The following ALDH16A1 variants were observed in gnomAD, a reference collection of about 807,000 sequenced individuals.
ALDH16A1 encodes the protein aldehyde dehydrogenase family 16 member A1.
In ALDH16A1, 88 loss-of-function variants were observed where a neutral mutation model predicts 96.1. The observed-to-expected ratio is 0.92, with a 90% confidence interval of 0.77 to 1.09. The LOEUF (loss-of-function observed/expected upper bound fraction) is 1.09, where lower values mean the gene tolerates loss of function less well. Among genes scored for constraint, ALDH16A1 ranks in the 50% least tolerant of loss-of-function variants. The pLI is 0.00. For missense variants in ALDH16A1, 1,250 were observed against 1,112.6 expected (o/e 1.12, Z -1.76); for synonymous variants, 522 against 496.4 (o/e 1.05, Z -0.69).
At chr19:49,465,963 C>T in intron 13 of ALDH16A1, 58 bp downstream of exon 13, 3 of 1,573,784 alleles carry the variant, frequency 1.9e-6, no homozygotes, top group Non-Finnish European at 2.6e-6. Context: ...GGGAGCCTGC[C>T]CACAGCAATT....
intron 8 of ALDH16A1, 25 bp downstream of exon 8, chr19:49,462,780 G>A (rs150382616): frequency 1.3e-6 from 2 of 1,525,810 alleles, no homozygotes; most frequent in East Asian, 2.4e-5. Context: ...AGAGACTTGA[G>A]GGTGTCAGGG....
chr19:49,464,800 G>A (rs1220472985), intron 12 of ALDH16A1, 38 bp downstream of exon 12: 5 of 1,611,170 alleles, frequency 3.1e-6, no homozygotes, highest in Middle Eastern at 1.7e-4. Flanking sequence ...GAGTGTGAAC[G>A]GGGAGAGGGG....
Position 49,464,883 on chromosome 19 carries a change from A to C in ALDH16A1, c.1568+121A>C, listed in dbSNP as rs1247366868. The C allele has an allele frequency of 3.4e-6, 5 of 1,478,480 alleles. No individual in the cohort carries two copies. In the Admixed American group the frequency reaches 9.1e-5, roughly 27 times the overall value. The allele number at this position is 1,478,480 out of a possible 1,614,324, so 91.6% of individuals were successfully genotyped here. On this transcript the variant is annotated intron_variant, in intron 12 of 16. Coordinates refer to ENST00000293350, the MANE Select transcript of ALDH16A1 (RefSeq NM_153329.4). The stretch of plus-strand genomic sequence containing the variant: ...TCCAAACCATCTCTTAGTCCTGCTG[A>C]GTACCACGTTGTGGCCTCACACTTT...
Position 49,468,794 on chromosome 19 carries a change from AC to A in ALDH16A1, c.2125-65del. ...CCCCATCCCCTTCCCTCCCATGGGC[AC>A]CCCCTGAATGCCCACTCCTTGCCCT... is the stretch of plus-strand genomic sequence containing the variant. On this transcript the variant is annotated intron_variant, in intron 15 of 16. Transcript: ENST00000293350. This position sits in a 1 kb window ranked among gnomAD's most constrained non-coding sequence, Gnocchi z 4.4. 6.6e-6 allele frequency: 10 copies of A among 1,511,990 alleles called. No individual in the cohort carries two copies. The highest frequency in any genetic ancestry group is 9.0e-6 in the Non-Finnish European group (10 of 1,114,628). The allele number at this position is 1,511,990 out of a possible 1,614,324, so 93.7% of individuals were successfully genotyped here.
chr19:49,460,657 G>A (rs990136381), intron 4 of ALDH16A1, among the ~76,000 whole-genome samples, 165 bp from the exon 5 acceptor site: 12 of 149,718 alleles, frequency 8.0e-5, no homozygotes, highest in South Asian at 4.2e-4. Flanking sequence ...CAGGTGATCC[G>A]CCCACCTCGA....
chr19:49,454,844 C>G (rs555080872), intron 1 of ALDH16A1, among the ~76,000 whole-genome samples: 128 of 152,180 alleles, frequency 8.4e-4, no homozygotes, highest in African/African-American at 2.9e-3. Flanking sequence ...TTGGGCCAGG[C>G]GTGGTGGCTC....
chr19:49,456,380 C>T (rs1286883363), intron 1 of ALDH16A1, among the ~76,000 whole-genome samples: 1 of 152,036 alleles, frequency 6.6e-6, no homozygotes, highest in Admixed American at 6.6e-5. Flanking sequence ...TTAAGTCATT[C>T]TTTTTGTTTT....
rs749732030 is a variant in ALDH16A1 at position 49,462,626 on chromosome 19, G to T, written c.969G>T (p.Leu323=). The stretch of plus-strand genomic sequence containing the variant: ...TGTGGGATGAAGCCATGAGACGGCT[G>T]CAGGAGCGGATGGGGCGGCTTCGGA... ...ESVWDEAMRR[L]QERMGRLRSG... is the part of the protein sequence containing the mutation. Residue 323 remains leucine, a synonymous_variant, in exon 8 of 17, where the codon CTG becomes CTT. Transcript: ENST00000293350. 2 of 1,613,038 alleles carry T rather than the reference G, an allele frequency of 1.2e-6. No homozygotes were observed. Among genetic ancestry groups the T allele is most frequent in the Non-Finnish European group, 1.7e-6 (2 of 1,179,976 alleles).
chr19:49,468,819 C>A lies in ALDH16A1; in HGVS notation c.2125-45C>A. 6.3e-7 allele frequency: 1 copy of A among 1,595,580 alleles called. No homozygotes were observed. The highest frequency in any genetic ancestry group is 8.6e-7 in the Non-Finnish European group (1 of 1,169,238). On this transcript the variant is annotated intron_variant, in intron 15 of 16. Coordinates refer to ENST00000293350, the MANE Select transcript of ALDH16A1 (RefSeq NM_153329.4). This position sits in a 1 kb window ranked among gnomAD's most constrained non-coding sequence, Gnocchi z 4.4. Reference sequence around the variant, plus strand: ...ACCCCCTGAATGCCCACTCCTTGCCCTGCCCCCACGGCCTCCCCAACCTTT... The same window carrying A: ...ACCCCCTGAATGCCCACTCCTTGCCATGCCCCCACGGCCTCCCCAACCTTT...
At chr19:49,453,581 C>CGA in intron 1 of ALDH16A1, 160 bp downstream of exon 1, 1 of 639,328 alleles carries the variant, frequency 1.6e-6, no homozygotes, top group Non-Finnish European at 2.6e-6. Flanking sequence ...CTGTAGGACG[C>CGA]TCCCTTGAGC....
chr19:49,455,213 C>T (rs1255398394), intron 1 of ALDH16A1, among the ~76,000 whole-genome samples: 6 of 151,250 alleles, frequency 4.0e-5, no homozygotes, highest in African/African-American at 1.2e-4. Context: ...GTCAGGAGAT[C>T]GAGACCAGCC....
At chr19:49,470,274 A>G (rs553768304) in intron 16 of ALDH16A1, 32 bp from the exon 17 acceptor site, 1 of 1,611,514 alleles carries the variant, frequency 6.2e-7, no homozygotes, top group South Asian at 1.1e-5. Flanking sequence ...AAGCCTGCAG[A>G]AGTGCTTACC....
In ALDH16A1 at chr19:49,464,659, G is replaced by A; in HGVS notation, c.1465G>A (p.Gly489Arg). 6.2e-7 allele frequency: 1 copy of A among 1,614,152 alleles called. No individual in the cohort carries two copies. The highest frequency in any genetic ancestry group is 1.3e-5 in the African/African-American group (1 of 75,046). Reference protein sequence around the residue: ...DGLYEYLRPSGTPARLSCLSK... With the variant: ...DGLYEYLRPSRTPARLSCLSK... Reference sequence around the variant, plus strand: ...GCTGTATGAGTATCTGCGGCCCTCAGGGACCCCTGCCCGGCTGTCCTGCCT... The same window carrying A: ...GCTGTATGAGTATCTGCGGCCCTCAAGGACCCCTGCCCGGCTGTCCTGCCT... The change falls in exon 12 of 17, where the codon GGG (glycine) becomes AGG (arginine). Residue 489 changes from glycine (G) to arginine (R), a missense_variant. Gly to Arg is a moderately radical substitution (Grantham distance 125). Transcript: ENST00000293350.
intron 8 of ALDH16A1, 59 bp from the exon 9 acceptor site, chr19:49,463,795 G>A: frequency 1.3e-6 from 2 of 1,525,380 alleles, no homozygotes; most frequent in Non-Finnish European, 1.8e-6. Flanking sequence ...GGGTCCTGCA[G>A]TCCTCGGTCT....
In ALDH16A1 at chr19:49,459,362, C is replaced by T. The variant is rs766061036; in HGVS notation, c.320+276C>T. 6.6e-6 allele frequency among the ~76,000 whole-genome samples: 1 copy of T among 152,200 alleles called. No individual in the cohort carries two copies. Among genetic ancestry groups the T allele is most frequent in the Non-Finnish European group, 1.5e-5 (1 of 68,040 alleles). ...CTGGTGAAGCCCCTAAATCCATTTC[C>T]TAGCCGCTTGCGGGGAAGCTAGAGA... On this transcript the variant is annotated intron_variant, in intron 3 of 16. Transcript: ENST00000293350. The surrounding 1 kb of genome is among the most constrained non-coding windows in gnomAD (Gnocchi z 4.1).
At position 49,461,789 on chromosome 19, in the gene ALDH16A1, G is replaced by T; in HGVS notation, c.748G>T (p.Gly250Ter). ...QPGIRKVAFC[G>*]APEEGRALRR... ...TGGAATCCGGAAGGTGGCCTTCTGCGGAGCCCCGGAGGTACCTTCGGGACA... is the reference window on the plus strand; with the variant it reads ...TGGAATCCGGAAGGTGGCCTTCTGCTGAGCCCCGGAGGTACCTTCGGGACA... The change falls in exon 6 of 17, where the codon GGA becomes TGA. Residue 250 changes from glycine (G) to a stop codon, truncating the protein, a stop_gained. Coordinates refer to ENST00000293350, the MANE Select transcript of ALDH16A1 (RefSeq NM_153329.4). LOFTEE classifies it high-confidence loss of function. 6.2e-7 allele frequency: 1 copy of T among 1,610,730 alleles called. No homozygotes were observed.
rs1164978530 is a variant in ALDH16A1, at chr19:49,461,935, C to T, written c.811C>T (p.Leu271=). Residue 271 remains leucine, a synonymous_variant, in exon 7 of 17, where the codon CTG becomes TTG. Transcript: ENST00000293350. The part of the protein sequence containing the change: ...SLAGECAELG[L]ALGTESLLLL... ...GGCGGGAGAGTGTGCGGAGCTGGGC[C>T]TGGCGCTGGGGACGGAGTCGCTGCT... The T allele has an allele frequency of 3.8e-6, 6 of 1,575,846 alleles. No homozygotes were observed. The East Asian group carries it at 1.4e-4, about 37-fold the overall frequency.
In ALDH16A1 at chr19:49,470,761, G is replaced by A. The variant is rs1220849614; in HGVS notation, c.*294G>A. 1 of 270,460 alleles carries A rather than the reference G, an allele frequency of 3.7e-6. No homozygotes were observed. The highest frequency in any genetic ancestry group is 7.0e-5 in the East Asian group (1 of 14,352). 16.8% of individuals were successfully genotyped at this position (270,460 alleles called of 1,614,324 possible). ...CCTCTGGGGCTCAAGGGATCCTCAT[G>A]CCTCAGCCTCATATGTAGCTGGGGC... On this transcript the variant is annotated 3_prime_UTR_variant, in exon 17 of 17. Coordinates refer to ENST00000293350, the MANE Select transcript of ALDH16A1 (RefSeq NM_153329.4).
chr19:49,464,613 G>C lies in ALDH16A1; in HGVS notation c.1438-19G>C. On this transcript the variant is annotated intron_variant, in intron 11 of 16. Coordinates refer to ENST00000293350, the MANE Select transcript of ALDH16A1 (RefSeq NM_153329.4). ...CCTCGCGTGCCCCTTGCATCCTCTT[G>C]ACACCGTCCCTCTCACAGGGGCTGT... 6.2e-7 allele frequency: 1 copy of C among 1,613,882 alleles called. No individual in the cohort carries two copies. Among genetic ancestry groups the C allele is most frequent in the Non-Finnish European group, 8.5e-7 (1 of 1,179,964 alleles).
Sources: allele counts gnomAD v4.1 joint callset (sites outside exome capture counted in the v4.1 genomes callset), GRCh38; gene constraint gnomAD v4.1.1; non-coding constraint Gnocchi (gnomAD v3.1); transcripts MANE v1.5; gene names NCBI Gene and HGNC (gene_info 2026-07-23, HGNC 2026-07-21).